The following BTF3L4 variants were observed in gnomAD, a reference collection of about 807,000 sequenced individuals.
The protein encoded by BTF3L4 is transcription factor BTF3 homolog 4.
In BTF3L4, 6 loss-of-function variants were observed where a neutral mutation model predicts 16.8. The ratio of observed to expected loss-of-function variants is 0.36; its 90% confidence interval spans 0.20 to 0.71. The LOEUF is 0.71. Among genes scored for constraint, BTF3L4 ranks in the 30% least tolerant of loss-of-function variants. The probability of loss-of-function intolerance (pLI) is 0.58; values close to 1 mark genes in which losing one functional copy is unlikely to be tolerated. For synonymous variants in BTF3L4, 39 were observed against 59.8 expected, an observed-to-expected ratio of 0.65 and a Z score of 1.60; for missense variants, 92 against 186.9, an observed-to-expected ratio of 0.49 and a Z score of 2.96.
At chr1:52,056,721 G>C (rs1558002013) in intron 1 of BTF3L4, among the ~76,000 whole-genome samples, 1 of 152,376 alleles carries the variant, frequency 6.6e-6, no homozygotes, top group South Asian at 2.1e-4. Context: ...CTTTATACAG[G>C]CTCTCTGTTG....
intron 1 of BTF3L4, among the ~76,000 whole-genome samples, chr1:52,059,628 A>G (rs1686459039): frequency 1.3e-5 from 2 of 152,196 alleles, no homozygotes; most frequent in Non-Finnish European, 2.9e-5. Context: ...TGATTCCCTC[A>G]TGGTAATTTA....
rs1297880349 is a variant in BTF3L4, at chr1:52,089,392, C to T, written c.*2634C>T. On this transcript the variant is annotated 3_prime_UTR_variant, in exon 6 of 6. Coordinates refer to ENST00000313334, the MANE Select transcript of BTF3L4 (RefSeq NM_152265.5). ...TTCCTGAACAAAGCATATTTAGAGT[C>T]TCAAAGAAATCCTCTCCACAAAGAC... 4 of 152,194 alleles carry T rather than the reference C, an allele frequency of 2.6e-5. No individual in the cohort carries two copies. The South Asian group carries it at 8.3e-4, about 32-fold the overall frequency. 9.4% of individuals were successfully genotyped at this position (152,194 alleles called of 1,614,324 possible).
In BTF3L4 at chr1:52,057,666, C is replaced by CT. The variant is rs542325510; in HGVS notation, c.-14+1288dup. On this transcript the variant is annotated intron_variant, in intron 1 of 5. Coordinates refer to ENST00000313334, the MANE Select transcript of BTF3L4 (RefSeq NM_152265.5). Reference sequence around the variant, plus strand: ...GATTCTGAGCTTGACATCGCATAGACTGAGTCCAGTCCTCTTTCCTACTTG... The same window carrying CT: ...GATTCTGAGCTTGACATCGCATAGACTTGAGTCCAGTCCTCTTTCCTACTTG... 1.4e-3 allele frequency among the ~76,000 whole-genome samples: 217 copies of CT among 152,342 alleles called. 1 individual carries two copies. Among genetic ancestry groups the CT allele is most frequent in the South Asian group, 0.012 (59 of 4,826 alleles).
Position 52,086,134 on chromosome 1 carries a change from A to T in BTF3L4, c.393A>T (p.Lys131Asn). The change falls in exon 5 of 6, where the codon AAA becomes AAT. Residue 131 changes from lysine to asparagine, a missense_variant. By Grantham distance (94) the Lys-to-Asn change is moderately conservative. Transcript: ENST00000313334. ...PRQVLDSKAPKPEDIDEEDDD... is the reference protein window; with the variant it reads ...PRQVLDSKAPNPEDIDEEDDD... ...TAGTCTTGGACAGTAAAGCACCAAAACCAGAAGACATTGATGAGGAAGATG... is the reference window on the plus strand; with the variant it reads ...TAGTCTTGGACAGTAAAGCACCAAATCCAGAAGACATTGATGAGGAAGATG... 1 of 1,611,092 alleles carries T rather than the reference A, an allele frequency of 6.2e-7. No homozygotes were observed. Among genetic ancestry groups the T allele is most frequent in the Non-Finnish European group, 8.5e-7 (1 of 1,178,722 alleles).
chr1:52,079,947 C>G (rs1643903332), intron 3 of BTF3L4, among the ~76,000 whole-genome samples: 2 of 147,392 alleles, frequency 1.4e-5, no homozygotes, highest in African/African-American at 5.0e-5. Context: ...TCTGAGCTCA[C>G]TGCAACCTCT....
At chr1:52,067,703 T>A (rs1299872432) in intron 3 of BTF3L4, among the ~76,000 whole-genome samples, 1 of 152,222 alleles carries the variant, frequency 6.6e-6, no homozygotes, top group Non-Finnish European at 1.5e-5. Context: ...ATATTAAACC[T>A]AACCTACTTG....
chr1:52,071,931 C>CTGTGTGTGTGTGTGTGTGTGTGTG (rs59491944), intron 3 of BTF3L4, among the ~76,000 whole-genome samples: 4 of 127,896 alleles, frequency 3.1e-5, no homozygotes, highest in Admixed American at 2.5e-4. Context: ...GTTTTTTACT[C>CTGTGTGTGTGTGTGTGTGTGTGTG]TGTGTGTGTG....
chr1:52,062,732 G>A (rs1412406610), intron 2 of BTF3L4, among the ~76,000 whole-genome samples: 1 of 152,160 alleles, frequency 6.6e-6, no homozygotes, highest in East Asian at 1.9e-4. Context: ...GCCTATAGGC[G>A]AACAATTGAG....
At chr1:52,085,125 A>G (rs999416357) in intron 4 of BTF3L4, among the ~76,000 whole-genome samples, 3 of 144,412 alleles carry the variant, frequency 2.1e-5, no homozygotes, top group South Asian at 2.2e-4. Context: ...GGTACAAGCA[A>G]TTATCTGCCT....
intron 1 of BTF3L4, among the ~76,000 whole-genome samples, chr1:52,057,132 A>T (rs1476569179): frequency 1.3e-5 from 2 of 152,240 alleles, no homozygotes; most frequent in Non-Finnish European, 2.9e-5. Context: ...ATACAAGTTC[A>T]GAGAAGAAAA....
chr1:52,073,477 CTATATATATGCTA>C (rs1457639937), intron 3 of BTF3L4, among the ~76,000 whole-genome samples: 2 of 131,528 alleles, frequency 1.5e-5, no homozygotes, highest in East Asian at 4.5e-4. Context: ...TATATATGCA[CTATATATATGCTA>C]CATACACACA....
At chr1:52,077,384 A>G (rs2124437807) in intron 3 of BTF3L4, among the ~76,000 whole-genome samples, 1 of 152,272 alleles carries the variant, frequency 6.6e-6, no homozygotes, top group Non-Finnish European at 1.5e-5. Context: ...TGTACTAAAA[A>G]TATAAAAATT....
intron 3 of BTF3L4, among the ~76,000 whole-genome samples, chr1:52,069,943 G>A (rs568252315): frequency 9.2e-5 from 14 of 152,242 alleles, no homozygotes; most frequent in African/African-American, 3.1e-4. Flanking sequence ...AAGGTTGGGT[G>A]CGGTGGCTCA....
intron 4 of BTF3L4, among the ~76,000 whole-genome samples, chr1:52,085,237 T>G (rs1572033785): frequency 6.6e-6 from 1 of 151,700 alleles, no homozygotes. Flanking sequence ...GCCCGGCTGG[T>G]CTTAAACTCC....
intron 3 of BTF3L4, among the ~76,000 whole-genome samples, chr1:52,074,563 T>C (rs757431668): frequency 6.6e-6 from 1 of 152,114 alleles, no homozygotes; most frequent in Non-Finnish European, 1.5e-5. Flanking sequence ...GGTTTCTCCA[T>C]GTTGGTCAGG....
At chr1:52,086,082 A>G (rs772578812) in intron 4 of BTF3L4, 30 bp from the exon 5 acceptor site, 12 of 1,498,650 alleles carry the variant, frequency 8.0e-6, no homozygotes, top group South Asian at 6.2e-5. Flanking sequence ...TTTGTTCTCA[A>G]TGACTAATAT....
chr1:52,071,931 C>CTGTG (rs59491944), intron 3 of BTF3L4, among the ~76,000 whole-genome samples: 13,101 of 127,688 alleles, frequency 0.1, 708 homozygotes, highest in African/African-American at 0.12. Context: ...GTTTTTTACT[C>CTGTG]TGTGTGTGTG....
chr1:52,058,043 A>G (rs1415025439), intron 1 of BTF3L4, among the ~76,000 whole-genome samples: 2 of 151,836 alleles, frequency 1.3e-5, no homozygotes, highest in African/African-American at 2.4e-5. Flanking sequence ...TTTTTTTTGC[A>G]ATAAATTCCT....
intron 3 of BTF3L4, among the ~76,000 whole-genome samples, chr1:52,069,749 A>AGT (rs1416908521): frequency 6.6e-6 from 1 of 152,222 alleles, no homozygotes; most frequent in East Asian, 1.9e-4. Flanking sequence ...CAGGGAGAGC[A>AGT]GTAGTGGATC....
Sources: allele counts gnomAD v4.1 joint callset (sites outside exome capture counted in the v4.1 genomes callset), GRCh38; gene constraint gnomAD v4.1.1; transcripts MANE v1.5; gene names NCBI Gene and HGNC (gene_info 2026-07-23, HGNC 2026-07-21).